The following MALRD1 variants were observed in gnomAD, a reference collection of about 807,000 sequenced individuals.
The protein encoded by MALRD1 is MAM and LDL receptor class A domain containing 1.
In MALRD1, 247 loss-of-function variants were observed where a neutral mutation model predicts 242.1. The ratio of observed to expected loss-of-function variants is 1.02; its 90% CI spans 0.92 to 1.13. The LOEUF is 1.13. MALRD1 is among the 50% of genes most tolerant of loss of function. The probability of loss-of-function intolerance (pLI) is 0.00; values close to 1 mark genes in which losing one functional copy is unlikely to be tolerated. For synonymous variants in MALRD1, 995 were observed against 866.6 expected (o/e 1.15, Z -2.60); for missense variants, 2,989 against 2,533.1 (o/e 1.18, Z -3.86).
At chr10:19,632,599 T>A (rs1278872011) in intron 36 of MALRD1, among the ~76,000 whole-genome samples, 1 of 152,074 alleles carries the variant, frequency 6.6e-6, no homozygotes, top group African/African-American at 2.4e-5. Context: ...TGGTAAATGA[T>A]TACCAACATT....
In MALRD1 at chr10:19,258,462, G is replaced by A. The variant is rs143543696; in HGVS notation, c.3079+691G>A. On this transcript the variant is annotated intron_variant, in intron 19 of 39. Transcript: ENST00000454679. ...GGCACTCAGACTGAGAGCTCTTAAA[G>A]TGCACGACAAGAGGGAACATGATCT... 5.3e-5 allele frequency among the ~76,000 whole-genome samples: 8 copies of A among 152,236 alleles called. No homozygotes were observed. The South Asian group carries it at 8.3e-4, about 16-fold the overall frequency.
At chr10:19,239,812 T>G (rs1358772092) in intron 18 of MALRD1, among the ~76,000 whole-genome samples, 1 of 152,138 alleles carries the variant, frequency 6.6e-6, no homozygotes, top group Non-Finnish European at 1.5e-5. Context: ...TGACTTTAGG[T>G]ATGAGAATTT....
At chr10:19,579,560 C>A (rs1837004055) in intron 33 of MALRD1, among the ~76,000 whole-genome samples, 1 of 152,140 alleles carries the variant, frequency 6.6e-6, no homozygotes, top group South Asian at 2.1e-4. Context: ...ACTCATAGGA[C>A]CGATGATGAT....
chr10:19,052,855 G>T lies in MALRD1; in HGVS notation c.199+3718G>T, dbSNP rs79791277. Among the ~76,000 whole-genome samples the T allele has an allele frequency of 5.2e-3, 789 of 152,216 alleles. 5 individuals carry two copies. Among genetic ancestry groups the T allele is most frequent in the African/African-American group, 0.018 (766 of 41,520 alleles). Reference sequence around the variant, plus strand: ...TTTGGTAAGGAATTCAGGGCTTTTGGCATATCTTCTCTCCTCCACCTTTAT... The same window carrying T: ...TTTGGTAAGGAATTCAGGGCTTTTGTCATATCTTCTCTCCTCCACCTTTAT... On this transcript the variant is annotated intron_variant, in intron 1 of 39. Transcript: ENST00000454679.
chr10:19,638,490 G>T (rs1840246282), intron 36 of MALRD1, among the ~76,000 whole-genome samples: 1 of 152,130 alleles, frequency 6.6e-6, no homozygotes, highest in African/African-American at 2.4e-5. Flanking sequence ...ATGAGTGAGG[G>T]ATGATCAAGA....
At chr10:19,295,490 G>A (rs981587284) in intron 21 of MALRD1, among the ~76,000 whole-genome samples, 3 of 135,968 alleles carry the variant, frequency 2.2e-5, no homozygotes, top group Non-Finnish European at 4.8e-5. Context: ...TGTGTGTCCT[G>A]TTTGTGCCCT....
chr10:19,055,028 AG>A (rs1487734623), intron 1 of MALRD1, among the ~76,000 whole-genome samples: 5 of 152,164 alleles, frequency 3.3e-5, no homozygotes, highest in South Asian at 2.1e-4. Context: ...AATGTACAAG[AG>A]ATCCCTTATT....
chr10:19,340,197 C>T (rs1483563132), intron 24 of MALRD1, among the ~76,000 whole-genome samples: 1 of 152,162 alleles, frequency 6.6e-6, no homozygotes, highest in Non-Finnish European at 1.5e-5. Flanking sequence ...TTGATACAGA[C>T]ATGCCTTGAG....
At chr10:19,095,099 A>G (rs752144161) in intron 4 of MALRD1, among the ~76,000 whole-genome samples, 6 of 152,208 alleles carry the variant, frequency 3.9e-5, no homozygotes, top group Non-Finnish European at 5.9e-5. Context: ...TATAAATCAT[A>G]TCATTTGTTA....
At chr10:19,495,804 A>G (rs958359262) in intron 30 of MALRD1, among the ~76,000 whole-genome samples, 2 of 152,160 alleles carry the variant, frequency 1.3e-5, no homozygotes, top group African/African-American at 4.8e-5. Context: ...AAGCAAGACC[A>G]AGTGGTTGGC....
intron 38 of MALRD1, among the ~76,000 whole-genome samples, chr10:19,718,193 G>A (rs951135989): frequency 5.3e-5 from 8 of 151,684 alleles, no homozygotes; most frequent in Non-Finnish European, 7.4e-5. Flanking sequence ...AAAAGAAGAC[G>A]AAGAAGAAGA....
chr10:19,408,243 G>A (rs1473922593), intron 28 of MALRD1, among the ~76,000 whole-genome samples: 1 of 152,118 alleles, frequency 6.6e-6, no homozygotes, highest in East Asian at 1.9e-4. Flanking sequence ...TTAGGGAAGG[G>A]TAAGGAATAG....
intron 32 of MALRD1, among the ~76,000 whole-genome samples, chr10:19,542,115 A>C (rs1389526892): frequency 1.3e-5 from 2 of 152,208 alleles, no homozygotes; most frequent in African/African-American, 2.4e-5. Flanking sequence ...TCACAGTTTT[A>C]AGACAGAGGC....
intron 36 of MALRD1, among the ~76,000 whole-genome samples, chr10:19,620,488 A>G (rs1839352126): frequency 6.6e-6 from 1 of 152,120 alleles, no homozygotes; most frequent in Non-Finnish European, 1.5e-5. Flanking sequence ...TTCGATGTCT[A>G]CATTTAAGAG....
At chr10:19,356,829 C>G (rs1487785023) in intron 26 of MALRD1, among the ~76,000 whole-genome samples, 1 of 152,120 alleles carries the variant, frequency 6.6e-6, no homozygotes, top group Non-Finnish European at 1.5e-5. Context: ...ATGTACCTTG[C>G]CAGGCACGGT....
At chr10:19,693,831 C>A (rs1363560311) in intron 38 of MALRD1, among the ~76,000 whole-genome samples, 4 of 152,162 alleles carry the variant, frequency 2.6e-5, no homozygotes. Context: ...AACTATATTA[C>A]AAGGCTATAG....
intron 32 of MALRD1, among the ~76,000 whole-genome samples, chr10:19,550,224 G>A (rs920228847): frequency 3.3e-5 from 5 of 151,776 alleles, no homozygotes; most frequent in East Asian, 1.9e-4. Context: ...ATAATTACCC[G>A]CTCCCCTACT....
At chr10:19,469,616 T>A (rs1251777895) in intron 29 of MALRD1, among the ~76,000 whole-genome samples, 1 of 152,104 alleles carries the variant, frequency 6.6e-6, no homozygotes, top group Non-Finnish European at 1.5e-5. Flanking sequence ...TTTATGGAAG[T>A]AAGTAATAAG....
At chr10:19,418,272 C>A (rs992912518) in intron 28 of MALRD1, among the ~76,000 whole-genome samples, 13 of 151,758 alleles carry the variant, frequency 8.6e-5, no homozygotes, top group Non-Finnish European at 1.5e-4. Flanking sequence ...CATTCCCCCC[C>A]ACGCCCCCAA....
Sources: gnomAD v4.1 joint callset for allele counts (sites outside exome capture counted in the v4.1 genomes callset) on GRCh38, gnomAD v4.1.1 for gene constraint, MANE v1.5 for transcripts, NCBI Gene and HGNC (gene_info 2026-07-23, HGNC 2026-07-21) for gene names.